Variants in FRK observed in about 807,000 individuals in gnomAD.
The protein encoded by FRK is tyrosine-protein kinase FRK.
Under a neutral mutation model 56.4 loss-of-function variants are expected in FRK, and 51 were observed. The observed-to-expected ratio is 0.90, with a 90% CI of 0.72 to 1.14. The LOEUF (loss-of-function observed/expected upper bound fraction) is 1.14. Among genes scored for constraint, FRK ranks in the 50% most tolerant of loss-of-function variants. The probability of loss-of-function intolerance (pLI) is 0.00; values close to 1 mark genes in which losing one functional copy is unlikely to be tolerated. For missense variants in FRK, 570 were observed against 601.4 expected, an observed-to-expected ratio of 0.95 and a Z score of 0.55; for synonymous variants, 245 against 217.9, an observed-to-expected ratio of 1.12 and a Z score of -1.10.
intron 1 of FRK, among the ~76,000 whole-genome samples, chr6:116,034,119 T>A (rs1383721269): frequency 6.6e-6 from 1 of 152,146 alleles, no homozygotes; most frequent in Admixed American, 6.6e-5. Context: ...ATTCATGGGA[T>A]GAACAGAGGT....
chr6:115,999,317 T>C (rs547858554), intron 2 of FRK, among the ~76,000 whole-genome samples: 4 of 152,188 alleles, frequency 2.6e-5, no homozygotes, highest in Non-Finnish European at 5.9e-5. Context: ...ATATAATATG[T>C]AATATTCAAA....
rs1773114813 is a variant in FRK, at chr6:115,958,634, GGAAAGAAAGAAAAGAAA to G, written c.800-2041_800-2025del. Reference sequence around the variant, plus strand: ...TAGAGTGAGACTCTGTCTCAAAAAAGGAAAGAAAGAAAAGAAAGAAAGAAAGAAAGAAAGAAAGAAAG... The same window carrying G: ...TAGAGTGAGACTCTGTCTCAAAAAAGGAAAGAAAGAAAGAAAGAAAGAAAG... On this transcript the variant is annotated intron_variant, in intron 4 of 7. Transcript: ENST00000606080. Among the ~76,000 whole-genome samples the G allele has an allele frequency of 1.3e-4, 7 of 55,756 alleles. 1 individual carries two copies. The highest frequency in any genetic ancestry group is 1.6e-3 in the South Asian group (2 of 1,240). The allele number at this position is 55,756 out of a possible 152,430, so 36.6% of individuals were successfully genotyped here.
At chr6:116,031,094 C>T (rs1776290064) in intron 1 of FRK, among the ~76,000 whole-genome samples, 1 of 151,948 alleles carries the variant, frequency 6.6e-6, no homozygotes. Flanking sequence ...TGTTGCTATG[C>T]TATTCAAACA....
chr6:115,994,211 C>T (rs761083265), intron 2 of FRK, among the ~76,000 whole-genome samples: 6 of 151,416 alleles, frequency 4.0e-5, no homozygotes, highest in South Asian at 2.1e-4. Flanking sequence ...TTCAAGTGCA[C>T]GTAACTGCTG....
intron 1 of FRK, among the ~76,000 whole-genome samples, chr6:116,055,224 AC>A (rs1239276385): frequency 6.6e-6 from 1 of 152,232 alleles, no homozygotes; most frequent in Non-Finnish European, 1.5e-5. Context: ...AGTCTGACAC[AC>A]TAAAGAGCAG....
chr6:115,967,508 A>C, intron 4 of FRK, 43 bp downstream of exon 4: 1 of 1,586,204 alleles, frequency 6.3e-7, no homozygotes, highest in Non-Finnish European at 8.6e-7. Flanking sequence ...AATTGAGCTC[A>C]TAAAAATCAA....
At chr6:116,056,975 T>C (rs1777423028) in intron 1 of FRK, among the ~76,000 whole-genome samples, 1 of 152,250 alleles carries the variant, frequency 6.6e-6, no homozygotes, top group Non-Finnish European at 1.5e-5. Context: ...TCAACATCTC[T>C]ACTTCCAAGT....
At chr6:116,047,386 T>G (rs1777005011) in intron 1 of FRK, among the ~76,000 whole-genome samples, 1 of 150,100 alleles carries the variant, frequency 6.7e-6, no homozygotes. Context: ...GGCAGCTGTG[T>G]TCCACTTCCT....
chr6:116,043,160 A>G (rs1776795870), intron 1 of FRK, among the ~76,000 whole-genome samples: 1 of 152,194 alleles, frequency 6.6e-6, no homozygotes, highest in Non-Finnish European at 1.5e-5. Context: ...ACCCACTGTT[A>G]ATATTAGACA....
At chr6:116,006,078 G>A (rs552171424) in intron 1 of FRK, among the ~76,000 whole-genome samples, 5 of 152,156 alleles carry the variant, frequency 3.3e-5, no homozygotes, top group Admixed American at 2.6e-4. Context: ...AATAAAATTT[G>A]AATATAAGCC....
the FRK span, among the ~76,000 whole-genome samples, chr6:116,096,004 C>T: frequency 3.3e-5 from 5 of 152,222 alleles, no homozygotes; most frequent in African/African-American, 1.2e-4. Flanking sequence ...GGTCCCATGA[C>T]AGCCATCTTG....
intron 1 of FRK, chr6:116,039,438 C>T (rs1045191026): frequency 8.9e-6 from 14 of 1,573,222 alleles, no homozygotes; most frequent in African/African-American, 1.4e-5. Flanking sequence ...ATGGCTTCCT[C>T]GTGGGTGATG....
intron 1 of FRK, among the ~76,000 whole-genome samples, chr6:116,055,698 C>T (rs1455212365): frequency 1.3e-5 from 2 of 152,164 alleles, no homozygotes; most frequent in Non-Finnish European, 2.9e-5. Flanking sequence ...ATACTAATTC[C>T]TCTGCCTTTG....
rs564642820 is a variant in FRK, at chr6:116,045,342, G to A, written c.344+14626C>T. Among the ~76,000 whole-genome samples, 6 of 152,178 alleles carry A rather than the reference G, an allele frequency of 3.9e-5. No individual in the cohort carries two copies. The East Asian group carries it at 9.7e-4, about 24-fold the overall frequency. ...CACCTGACTTCAAACTATACTACAA[G>A]GCAACAGTAACCAAAACAGCATGGT... On this transcript the variant is annotated intron_variant, in intron 1 of 7. Coordinates refer to ENST00000606080, the MANE Select transcript of FRK (RefSeq NM_002031.3).
intron 2 of FRK, among the ~76,000 whole-genome samples, chr6:115,993,190 T>C (rs1774684782): frequency 6.6e-6 from 1 of 151,842 alleles, no homozygotes; most frequent in Admixed American, 6.6e-5. Flanking sequence ...AGGGAGAAAG[T>C]AAATGTCACA....
intron 4 of FRK, among the ~76,000 whole-genome samples, chr6:115,957,530 C>T (rs1773049801): frequency 6.6e-6 from 1 of 152,170 alleles, no homozygotes; most frequent in African/African-American, 2.4e-5. Flanking sequence ...TCCATTGATG[C>T]TCAAAGAGAC....
chr6:116,011,086 G>A (rs957457010), intron 1 of FRK, among the ~76,000 whole-genome samples: 1 of 125,962 alleles, frequency 7.9e-6, no homozygotes, highest in African/African-American at 2.9e-5. Context: ...AAGGCAGTGA[G>A]CCTTAAAAAA....
At chr6:116,040,997 A>G (rs1776687250) in intron 1 of FRK, among the ~76,000 whole-genome samples, 1 of 152,182 alleles carries the variant, frequency 6.6e-6, no homozygotes, top group Non-Finnish European at 1.5e-5. Flanking sequence ...AATTTTCAAA[A>G]GTGAAAAATT....
intron 1 of FRK, among the ~76,000 whole-genome samples, chr6:116,033,134 T>A (rs370070658): frequency 1.0e-3 from 155 of 151,722 alleles, no homozygotes; most frequent in African/African-American, 3.5e-3. Flanking sequence ...CTATGATGGA[T>A]CACAGGCAGC....
Sources: allele counts gnomAD v4.1 joint callset (sites outside exome capture counted in the v4.1 genomes callset), GRCh38; gene constraint gnomAD v4.1.1; transcripts MANE v1.5; gene names NCBI Gene and HGNC (gene_info 2026-07-23, HGNC 2026-07-21).